HGF: variants seen among roughly 807,000 people sequenced by gnomAD.
HGF encodes hepatocyte growth factor.
In HGF, 39 loss-of-function variants were observed where a neutral mutation model predicts 111.6. The ratio of observed to expected loss-of-function variants is 0.35; its 90% confidence interval spans 0.27 to 0.46. The LOEUF is 0.46. Among genes scored for constraint, HGF ranks in the 20% least tolerant of loss-of-function variants. The pLI is 1.00. For synonymous variants in HGF, 285 were observed against 294.8 expected, an observed-to-expected ratio of 0.97 and a Z score of 0.34; for missense variants, 735 against 910.5, an observed-to-expected ratio of 0.81 and a Z score of 2.48.
At chr7:81,753,729 A>G (rs1788615242) in intron 4 of HGF, among the ~76,000 whole-genome samples, 1 of 152,040 alleles carries the variant, frequency 6.6e-6, no homozygotes, top group Admixed American at 6.6e-5. Flanking sequence ...TATCCATATT[A>G]TGCAACTTCA....
chr7:81,699,477 C>A lies in HGF; in HGVS notation c.*3104G>T, dbSNP rs183726882. ...TAGTTTTATTTTTTAAATGAGTTTG[C>A]CTATATGTATGGGATGTAATTAATT... is the stretch of plus-strand genomic sequence containing the variant. On this transcript the variant is annotated 3_prime_UTR_variant, in exon 18 of 18. Transcript: ENST00000222390. 56 of 151,326 alleles carry A rather than the reference C, an allele frequency of 3.7e-4. No homozygotes were observed. The highest frequency in any genetic ancestry group is 3.4e-3 in the Middle Eastern group (1 of 294). The allele number at this position is 151,326 out of a possible 1,614,324, so 9.4% of individuals were successfully genotyped here.
intron 2 of HGF, among the ~76,000 whole-genome samples, chr7:81,759,861 C>A (rs561301750): frequency 4.5e-4 from 68 of 152,186 alleles, no homozygotes; most frequent in Non-Finnish European, 6.6e-4. Context: ...CATACCACCC[C>A]TACTATTCCT....
At chr7:81,733,065 A>T (rs915516501) in intron 7 of HGF, among the ~76,000 whole-genome samples, 2 of 152,102 alleles carry the variant, frequency 1.3e-5, no homozygotes, top group African/African-American at 4.8e-5. Flanking sequence ...TTGAGCTATT[A>T]TGCTGAATAG....
chr7:81,708,524 CTTTTTTTTTTT>C (rs3081099), intron 13 of HGF, among the ~76,000 whole-genome samples: 2 of 72,472 alleles, frequency 2.8e-5, no homozygotes, highest in African/African-American at 1.1e-4. Context: ...TTCCTTCCTT[CTTTTTTTTTTT>C]TTTTTTTTTT....
Position 81,699,186 on chromosome 7 carries a change from C to CA in HGF, c.*3394dup, listed in dbSNP as rs1457187579. The stretch of plus-strand genomic sequence containing the variant: ...ATTAATTTCCTATTTACATACAAGA[C>CA]AAACAGTCATAGCATCCACAGTATT... On this transcript the variant is annotated 3_prime_UTR_variant, in exon 18 of 18. Coordinates refer to ENST00000222390, the MANE Select transcript of HGF (RefSeq NM_000601.6). 6.6e-6 allele frequency: 1 copy of CA among 151,456 alleles called. No homozygotes were observed. Among genetic ancestry groups the CA allele is most frequent in the Admixed American group, 6.6e-5 (1 of 15,130 alleles). 9.4% of individuals were successfully genotyped at this position (151,456 alleles called of 1,614,324 possible). A position where few individuals can be genotyped will look rare whatever the true frequency, so the allele number is the denominator to read the frequency against.
chr7:81,713,139 T>C (rs1478397113), intron 11 of HGF, among the ~76,000 whole-genome samples: 1 of 152,196 alleles, frequency 6.6e-6, no homozygotes, highest in African/African-American at 2.4e-5. Context: ...CTATCTTGTA[T>C]ATTAAGTCTC....
chr7:81,721,457 A>G (rs1400262899), intron 9 of HGF, among the ~76,000 whole-genome samples: 1 of 152,224 alleles, frequency 6.6e-6, no homozygotes, highest in Non-Finnish European at 1.5e-5. Flanking sequence ...GAATTTTTAG[A>G]CTAACACATG....
intron 9 of HGF, among the ~76,000 whole-genome samples, chr7:81,725,337 T>G (rs1389148346): frequency 1.3e-5 from 2 of 152,148 alleles, no homozygotes; most frequent in African/African-American, 4.8e-5. Flanking sequence ...TTCCCAGAAC[T>G]CCCTCATCTC....
intron 8 of HGF, among the ~76,000 whole-genome samples, chr7:81,726,543 GATTT>G (rs1165102640): frequency 2.0e-5 from 3 of 151,972 alleles, no homozygotes; most frequent in African/African-American, 2.4e-5. Flanking sequence ...GCATTTCTTT[GATTT>G]ATTTAATTTG....
chr7:81,707,414 A>T, intron 13 of HGF, 50 bp from the exon 14 acceptor site: 1 of 1,064,878 alleles, frequency 9.4e-7, no homozygotes, highest in Non-Finnish European at 1.5e-6. Flanking sequence ...AGAAAGAGTG[A>T]CTGCCAATTA....
intron 2 of HGF, among the ~76,000 whole-genome samples, chr7:81,760,955 A>C (rs937141876): frequency 6.6e-6 from 1 of 152,146 alleles, no homozygotes; most frequent in African/African-American, 2.4e-5. Context: ...ACAAAAGGAA[A>C]GTTTTTCTTT....
At chr7:81,744,596 C>G (rs1285969182) in intron 6 of HGF, among the ~76,000 whole-genome samples, 1 of 152,154 alleles carries the variant, frequency 6.6e-6, no homozygotes, top group African/African-American at 2.4e-5. Context: ...ACAGCTAAGA[C>G]TTGTCAAAGT....
At chr7:81,720,430 A>T (rs1789822691) in intron 10 of HGF, among the ~76,000 whole-genome samples, 1 of 152,204 alleles carries the variant, frequency 6.6e-6, no homozygotes, top group Admixed American at 6.5e-5. Context: ...TATTGTGTCA[A>T]TGTGACCGTA....
intron 7 of HGF, among the ~76,000 whole-genome samples, chr7:81,740,587 G>A (rs1787969838): frequency 6.6e-6 from 1 of 152,152 alleles, no homozygotes; most frequent in Non-Finnish European, 1.5e-5. Flanking sequence ...ACCTAGGCAG[G>A]ACTGACCTAA....
Position 81,706,348 on chromosome 7 carries a change from T to C in HGF, c.1696A>G (p.Asn566Asp). The stretch of plus-strand genomic sequence containing the variant: ...GGGCCATATACCAGCTGGGAAACAT[T>C]GAGAACCTGTTTGCATTTCTCATCT... ...RGDEKCKQVL[N>D]VSQLVYGPEG... The change falls in exon 15 of 18, where the codon AAT (asparagine) becomes GAT (aspartate). Residue 566 changes from asparagine to aspartate, a missense_variant. By Grantham distance (23) the Asn-to-Asp change is conservative. Coordinates refer to ENST00000222390, the MANE Select transcript of HGF (RefSeq NM_000601.6). 1.2e-6 allele frequency: 2 copies of C among 1,612,362 alleles called. No homozygotes were observed. The highest frequency in any genetic ancestry group is 1.7e-6 in the Non-Finnish European group (2 of 1,178,682).
intron 7 of HGF, chr7:81,743,078 A>G (rs930850566): frequency 1.7e-5 from 15 of 874,162 alleles, no homozygotes; most frequent in Middle Eastern, 2.2e-4. Context: ...GTGGTTTTTT[A>G]AATTTTCTTG....
chr7:81,748,783 G>T (rs1318556005), intron 5 of HGF, among the ~76,000 whole-genome samples: 1 of 152,092 alleles, frequency 6.6e-6, no homozygotes, highest in African/African-American at 2.4e-5. Flanking sequence ...GTACAGTTCT[G>T]GACTGAATAA....
intron 1 of HGF, among the ~76,000 whole-genome samples, chr7:81,769,047 C>G (rs1789503928): frequency 6.6e-6 from 1 of 152,108 alleles, no homozygotes; most frequent in African/African-American, 2.4e-5. Context: ...CTGCGCCTAC[C>G]CTTGATATTC....
intron 1 of HGF, among the ~76,000 whole-genome samples, chr7:81,763,913 A>T (rs1025514448): frequency 4.6e-5 from 7 of 152,168 alleles, no homozygotes; most frequent in Non-Finnish European, 8.8e-5. Context: ...TCAGATTGGA[A>T]ACCCAGCAGG....
Sources: gnomAD v4.1 joint callset for allele counts (sites outside exome capture counted in the v4.1 genomes callset) on GRCh38, gnomAD v4.1.1 for gene constraint, MANE v1.5 for transcripts, NCBI Gene and HGNC (gene_info 2026-07-23, HGNC 2026-07-21) for gene names.